USP13: variants seen among roughly 807,000 people sequenced by gnomAD.
USP13 encodes ubiquitin specific peptidase 13.
Under a neutral mutation model 107.8 loss-of-function variants are expected in USP13, and 68 were observed. That is an observed-to-expected ratio of 0.63 (90% CI 0.52 to 0.77). USP13 has a LOEUF of 0.77. USP13 is among the 30% of genes least tolerant of loss of function. The pLI is 0.00. For synonymous variants in USP13, 377 were observed against 389.5 expected, an observed-to-expected ratio of 0.97 and a Z score of 0.38; for missense variants, 945 against 1,093.3, an observed-to-expected ratio of 0.86 and a Z score of 1.91.
intron 11 of USP13, 102 bp downstream of exon 11, chr3:179,740,474 T>C (rs998576009): frequency 6.6e-7 from 1 of 1,526,428 alleles, no homozygotes; most frequent in African/African-American, 1.4e-5. Context: ...CCCCACTCTC[T>C]TTCTTCAATC....
In USP13 at chr3:179,653,583, T is replaced by C. The variant is rs989352999; in HGVS notation, c.168+190T>C. 5 of 805,940 alleles carry C rather than the reference T, an allele frequency of 6.2e-6. No homozygotes were observed. Among genetic ancestry groups the C allele is most frequent in the Non-Finnish European group, 9.2e-6 (5 of 541,324 alleles). 49.9% of individuals were successfully genotyped at this position (805,940 alleles called of 1,614,324 possible). A position where few individuals can be genotyped will look rare whatever the true frequency, so the allele number is the denominator to read the frequency against. ...GCTGCTGCAGCCGAGGACTGGCTCGTGCTGGTGGTTTTGCTCCGCCAGCCT... is the reference window on the plus strand; with the variant it reads ...GCTGCTGCAGCCGAGGACTGGCTCGCGCTGGTGGTTTTGCTCCGCCAGCCT... On this transcript the variant is annotated intron_variant, in intron 1 of 20. Coordinates refer to ENST00000263966, the MANE Select transcript of USP13 (RefSeq NM_003940.3). The surrounding 1 kb of genome is among the most constrained non-coding windows in gnomAD (Gnocchi z 4.0).
chr3:179,711,849 G>A (rs1330585564), intron 6 of USP13, among the ~76,000 whole-genome samples: 1 of 152,114 alleles, frequency 6.6e-6, no homozygotes, highest in East Asian at 1.9e-4. Flanking sequence ...CACATAATAT[G>A]GTAACATAGT....
chr3:179,783,189 A>G (rs1715807206), intron 20 of USP13, among the ~76,000 whole-genome samples: 1 of 152,208 alleles, frequency 6.6e-6, no homozygotes, highest in African/African-American at 2.4e-5. Context: ...AAGCAATAAA[A>G]TTCATAGTAA....
At chr3:179,715,415 A>C (rs942803116) in intron 6 of USP13, among the ~76,000 whole-genome samples, 1 of 139,914 alleles carries the variant, frequency 7.1e-6, no homozygotes, top group African/African-American at 2.6e-5. Flanking sequence ...CCCAGGCTGG[A>C]GTGCAATGGT....
Position 179,719,547 on chromosome 3 carries a change from C to T in USP13, c.806-393C>T, listed in dbSNP as rs981426069. ...CCCCCGGAGGTCCCCCCTGCCGTGGCGGATGGCCGTCATCCCCTCCTCCTG... is the reference window on the plus strand; with the variant it reads ...CCCCCGGAGGTCCCCCCTGCCGTGGTGGATGGCCGTCATCCCCTCCTCCTG... On this transcript the variant is annotated intron_variant, in intron 6 of 20. Transcript: ENST00000263966. Among the ~76,000 whole-genome samples, 37 of 152,096 alleles carry T rather than the reference C, an allele frequency of 2.4e-4. 1 individual carries two copies. Among genetic ancestry groups the T allele is most frequent in the African/African-American group, 7.2e-4 (30 of 41,566 alleles).
chr3:179,777,704 G>A (rs112940034), intron 19 of USP13, among the ~76,000 whole-genome samples: 5,544 of 152,054 alleles, frequency 0.036, 360 homozygotes, highest in African/African-American at 0.13. Context: ...CATCCACCTT[G>A]CCTCCCAAAG....
Position 179,653,454 on chromosome 3 carries a change from G to A in USP13, c.168+61G>A, listed in dbSNP as rs1720149184. The A allele has an allele frequency of 7.2e-6, 11 of 1,522,914 alleles. No individual in the cohort carries two copies. The South Asian group carries it at 8.5e-5, about 12-fold the overall frequency. 94.3% of individuals were successfully genotyped at this position (1,522,914 alleles called of 1,614,324 possible). ...GGCGGCCTGCGGCACGTGAAGCCGG[G>A]GGAGAAGATGCGCAGTGGCGGCCGG... On this transcript the variant is annotated intron_variant, in intron 1 of 20. Coordinates refer to ENST00000263966, the MANE Select transcript of USP13 (RefSeq NM_003940.3). This position sits in a 1 kb window ranked among gnomAD's most constrained non-coding sequence, Gnocchi z 4.0.
intron 8 of USP13, among the ~76,000 whole-genome samples, chr3:179,727,173 T>TG (rs973219323): frequency 6.6e-6 from 1 of 150,484 alleles, no homozygotes; most frequent in Non-Finnish European, 1.5e-5. Flanking sequence ...GTTTTTTTTT[T>TG]TTTTTTTTTT....
rs1714237579 is a variant in USP13 at position 179,742,392 on chromosome 3, T to C, written c.1534+42T>C. 6.2e-7 allele frequency: 1 copy of C among 1,611,288 alleles called. No homozygotes were observed. Among genetic ancestry groups the C allele is most frequent in the African/African-American group, 1.3e-5 (1 of 75,008 alleles). ...GGGAAATTGGTACTGTGTGTCTTCA[T>C]ATGGGAAAACCCTCAAATCAGAGAG... On this transcript the variant is annotated intron_variant, in intron 12 of 20. Coordinates refer to ENST00000263966, the MANE Select transcript of USP13 (RefSeq NM_003940.3). This position sits in a 1 kb window ranked among gnomAD's most constrained non-coding sequence, Gnocchi z 5.0.
At chr3:179,748,437 T>C (rs1219398342) in intron 13 of USP13, among the ~76,000 whole-genome samples, 2 of 152,224 alleles carry the variant, frequency 1.3e-5, no homozygotes, top group African/African-American at 2.4e-5. Context: ...TTTTGTTAAT[T>C]TGGGGCCTTG....
At chr3:179,760,153 A>G (rs1443430475) in intron 16 of USP13, among the ~76,000 whole-genome samples, 1 of 151,982 alleles carries the variant, frequency 6.6e-6, no homozygotes, top group Admixed American at 6.6e-5. Flanking sequence ...AACAGTGTGT[A>G]TGTGTATGTA....
rs540852432 is a variant in USP13, at chr3:179,768,247, G to A, written c.2413+2399G>A. Reference sequence around the variant, plus strand: ...AGCTGCCAAGGTTTGGCTGCAGAGGGAAGGCGGGTCTGATCTTTAGGGTTT... The same window carrying A: ...AGCTGCCAAGGTTTGGCTGCAGAGGAAAGGCGGGTCTGATCTTTAGGGTTT... On this transcript the variant is annotated intron_variant, in intron 19 of 20. Coordinates refer to ENST00000263966, the MANE Select transcript of USP13 (RefSeq NM_003940.3). 5.3e-5 allele frequency among the ~76,000 whole-genome samples: 8 copies of A among 152,328 alleles called. No homozygotes were observed. In the South Asian group the frequency reaches 1.5e-3, roughly 28 times the overall value.
At chr3:179,760,643 T>C (rs1348026411) in intron 16 of USP13, among the ~76,000 whole-genome samples, 1 of 151,438 alleles carries the variant, frequency 6.6e-6, no homozygotes, top group Non-Finnish European at 1.5e-5. Flanking sequence ...ACTTAACATT[T>C]GCACTCTCCG....
At position 179,715,367 on chromosome 3, in the gene USP13, C is replaced by CTTT. The variant is rs71182513; in HGVS notation, c.806-4560_806-4558dup. 1.8e-3 allele frequency among the ~76,000 whole-genome samples: 246 copies of CTTT among 136,286 alleles called. 6 individuals are homozygous for CTTT. Among genetic ancestry groups the CTTT allele is most frequent in the Admixed American group, 2.9e-3 (39 of 13,390 alleles). The allele number at this position is 136,286 out of a possible 152,430, so 89.4% of individuals were successfully genotyped here. On this transcript the variant is annotated intron_variant, in intron 6 of 20. Coordinates refer to ENST00000263966, the MANE Select transcript of USP13 (RefSeq NM_003940.3). Reference sequence around the variant, plus strand: ...ATTTAATTTGTGTTTATTTTTCTTTCTTTTTTTTTTTTTTTGAGATGGAGT... The same window carrying CTTT: ...ATTTAATTTGTGTTTATTTTTCTTTCTTTTTTTTTTTTTTTTTTGAGATGGAGT...
intron 3 of USP13, among the ~76,000 whole-genome samples, chr3:179,693,381 A>G (rs1433844366): frequency 2.6e-5 from 4 of 152,074 alleles, no homozygotes; most frequent in Admixed American, 6.6e-5. Flanking sequence ...TTGAACTTCT[A>G]TGCTCAAGCA....
intron 1 of USP13, among the ~76,000 whole-genome samples, chr3:179,676,960 G>A (rs2108449076): frequency 6.6e-6 from 1 of 152,162 alleles, no homozygotes; most frequent in African/African-American, 2.4e-5. Flanking sequence ...CTGGGTTCAA[G>A]CGATTCTCCT....
intron 3 of USP13, among the ~76,000 whole-genome samples, chr3:179,691,404 G>C (rs985929132): frequency 6.6e-6 from 1 of 152,068 alleles, no homozygotes. Context: ...GAAGAGTGCT[G>C]GTCAGTTATT....
chr3:179,745,122 G>C lies in USP13; in HGVS notation c.1614G>C (p.Lys538Asn). 6.2e-7 allele frequency: 1 copy of C among 1,614,206 alleles called. No homozygotes were observed. The highest frequency in any genetic ancestry group is 1.1e-5 in the South Asian group (1 of 91,084). The change falls in exon 13 of 21, where the codon AAG (lysine) becomes AAC (asparagine). Residue 538 changes from lysine (K) to asparagine (N), a missense_variant. Physicochemically the swap from Lys to Asn is moderately conservative, Grantham distance 94 (BLOSUM62 0). Coordinates refer to ENST00000263966, the MANE Select transcript of USP13 (RefSeq NM_003940.3). Reference sequence around the variant, plus strand: ...CCCTTCCTGAGTTGGTACGTGCCAAGATACCATTTAGTGCCTGCCTTCAGG... The same window carrying C: ...CCCTTCCTGAGTTGGTACGTGCCAACATACCATTTAGTGCCTGCCTTCAGG... Reference protein sequence around the residue: ...RRPLPELVRAKIPFSACLQAF... With the variant: ...RRPLPELVRANIPFSACLQAF...
chr3:179,653,492 T>G lies in USP13; in HGVS notation c.168+99T>G, dbSNP rs1343338600. 2.1e-6 allele frequency: 3 copies of G among 1,453,034 alleles called. No individual in the cohort carries two copies. In the African/African-American group the frequency reaches 4.3e-5, roughly 21 times the overall value. The allele number at this position is 1,453,034 out of a possible 1,614,324, so 90.0% of individuals were successfully genotyped here. A position where few individuals can be genotyped will look rare whatever the true frequency, so the allele number is the denominator to read the frequency against. On this transcript the variant is annotated intron_variant, in intron 1 of 20. Transcript: ENST00000263966. This position sits in a 1 kb window ranked among gnomAD's most constrained non-coding sequence, Gnocchi z 4.0. ...CAGTGGCGGCCGGGACCTCTTCTCT[T>G]CCTCCGGGCGGCAGAGTTGGCTCAG...
Sources: allele counts gnomAD v4.1 joint callset (sites outside exome capture counted in the v4.1 genomes callset), GRCh38; gene constraint gnomAD v4.1.1; non-coding constraint Gnocchi (gnomAD v3.1); transcripts MANE v1.5; gene names NCBI Gene and HGNC (gene_info 2026-07-23, HGNC 2026-07-21).